Variants in RBFOX1 observed in about 807,000 individuals in gnomAD.
The protein encoded by RBFOX1 is RNA binding protein fox-1 homolog 1.
In RBFOX1, 8 loss-of-function variants were observed where a neutral mutation model predicts 57.7. That is an observed-to-expected ratio of 0.14 (90% CI 0.08 to 0.25). The LOEUF is 0.25. Ranked by LOEUF, RBFOX1 falls within the 10% of genes least tolerant of loss-of-function variation. The probability of loss-of-function intolerance (pLI) is 1.00; values close to 1 mark genes in which losing one functional copy is unlikely to be tolerated. For missense variants in RBFOX1, 611 were observed against 548.5 expected, an observed-to-expected ratio of 1.11 and a Z score of -1.14; for synonymous variants, 326 against 222.4, an observed-to-expected ratio of 1.47 and a Z score of -4.15.
chr16:7,105,122 C>G (rs566607128), intron 4 of RBFOX1, among the ~76,000 whole-genome samples: 1 of 152,206 alleles, frequency 6.6e-6, no homozygotes, highest in Non-Finnish European at 1.5e-5. Context: ...GATGTTTAAG[C>G]AAAAGTCTCA....
intron 3 of RBFOX1, among the ~76,000 whole-genome samples, chr16:6,866,018 A>T (rs2059851910): frequency 6.6e-6 from 1 of 152,214 alleles, no homozygotes; most frequent in South Asian, 2.1e-4. Flanking sequence ...AATATTGGCT[A>T]GCACATCTTT....
chr16:5,631,123 C>T (rs760980804), intron 3 of RBFOX1, among the ~76,000 whole-genome samples: 1 of 152,112 alleles, frequency 6.6e-6, no homozygotes, highest in East Asian at 1.9e-4. Context: ...CAATCTAAAG[C>T]AAAGCAAAGA....
At chr16:6,204,572 A>G (rs141634549) in intron 1 of RBFOX1, among the ~76,000 whole-genome samples, 1 of 152,334 alleles carries the variant, frequency 6.6e-6, no homozygotes, top group Non-Finnish European at 1.5e-5. Flanking sequence ...ACCCAGGCAT[A>G]GAAGTGGGAG....
chr16:5,939,831 T>C lies in RBFOX1; in HGVS notation c.351+72496T>C, dbSNP rs145248818. On this transcript the variant is annotated intron_variant, in intron 4 of 19. Coordinates refer to the RBFOX1 transcript ENST00000641259. ...AAGCCACAGCCATACCCTGACCATATGGACATGGGGATCTATTGAGGCACA... is the reference window on the plus strand; with the variant it reads ...AAGCCACAGCCATACCCTGACCATACGGACATGGGGATCTATTGAGGCACA... Among the ~76,000 whole-genome samples the C allele has an allele frequency of 2.9e-3, 438 of 152,298 alleles. 1 individual carries two copies. The highest frequency in any genetic ancestry group is 1.0e-2 in the African/African-American group (414 of 41,582).
intron 2 of RBFOX1, among the ~76,000 whole-genome samples, chr16:5,516,961 A>T (rs922484929): frequency 1.3e-5 from 2 of 151,384 alleles, no homozygotes; most frequent in Non-Finnish European, 2.9e-5. Flanking sequence ...GCAATGTGAG[A>T]ACGAGCTAAT....
intron 4 of RBFOX1, among the ~76,000 whole-genome samples, chr16:7,160,782 T>C (rs79287071): frequency 0.039 from 5,777 of 147,328 alleles, 195 homozygotes; most frequent in African/African-American, 0.083. Context: ...CTCCCCCTTT[T>C]TTCTCCCTCC....
At chr16:6,866,764 G>T (rs574984141) in intron 3 of RBFOX1, among the ~76,000 whole-genome samples, 8 of 151,660 alleles carry the variant, frequency 5.3e-5, no homozygotes, top group African/African-American at 1.9e-4. Context: ...GGATGGTCTC[G>T]ATCTCCTGAC....
chr16:6,176,468 A>C (rs1204336036), intron 1 of RBFOX1, among the ~76,000 whole-genome samples: 4 of 151,772 alleles, frequency 2.6e-5, no homozygotes, highest in African/African-American at 9.7e-5. Flanking sequence ...CTCAGGATTG[A>C]GGAATTTAGT....
intron 4 of RBFOX1, among the ~76,000 whole-genome samples, chr16:7,461,992 A>G (rs1299864107): frequency 6.6e-6 from 1 of 152,218 alleles, no homozygotes; most frequent in East Asian, 1.9e-4. Flanking sequence ...GGATTAAAGA[A>G]TGAAACATGC....
chr16:7,070,214 G>T (rs1337154951), intron 4 of RBFOX1, among the ~76,000 whole-genome samples: 1 of 152,206 alleles, frequency 6.6e-6, no homozygotes, highest in African/African-American at 2.4e-5. Context: ...TGATGGCACA[G>T]TGTCTTGCTC....
intron 3 of RBFOX1, among the ~76,000 whole-genome samples, chr16:7,042,962 A>G (rs1307497237): frequency 1.3e-5 from 2 of 152,216 alleles, no homozygotes; most frequent in African/African-American, 4.8e-5. Flanking sequence ...TAAAACAATT[A>G]CTTTCCTAGC....
chr16:6,750,058 G>A (rs1013208520), intron 3 of RBFOX1, among the ~76,000 whole-genome samples: 3 of 152,084 alleles, frequency 2.0e-5, no homozygotes, highest in African/African-American at 7.2e-5. Context: ...TATCAACTAG[G>A]GGCTAACATT....
chr16:5,356,684 T>C (rs2065398507), intron 1 of RBFOX1, among the ~76,000 whole-genome samples: 1 of 152,192 alleles, frequency 6.6e-6, no homozygotes, highest in Non-Finnish European at 1.5e-5. Flanking sequence ...AAAGTTATGA[T>C]GGGAAATGGC....
At chr16:6,209,139 T>C (rs974514119) in intron 1 of RBFOX1, among the ~76,000 whole-genome samples, 1 of 152,158 alleles carries the variant, frequency 6.6e-6, no homozygotes, top group Non-Finnish European at 1.5e-5. Context: ...AGTCTCAGCA[T>C]TTACTTTAAA....
Position 5,992,450 on chromosome 16 carries a change from C to G in RBFOX1, c.351+125115C>G, listed in dbSNP as rs1204395575. Among the ~76,000 whole-genome samples, 7 of 152,296 alleles carry G rather than the reference C, an allele frequency of 4.6e-5. No individual in the cohort carries two copies. In the East Asian group the frequency reaches 1.4e-3, roughly 29 times the overall value. The stretch of plus-strand genomic sequence containing the variant: ...CTGTGTAGAATGAAAATGCGTAAGA[C>G]TGAATTCCTTTTGACAGGATCCCCC... On this transcript the variant is annotated intron_variant, in intron 4 of 19. Coordinates refer to the RBFOX1 transcript ENST00000641259.
At chr16:5,776,932 A>G (rs2054167858) in intron 3 of RBFOX1, among the ~76,000 whole-genome samples, 1 of 152,160 alleles carries the variant, frequency 6.6e-6, no homozygotes, top group Non-Finnish European at 1.5e-5. Flanking sequence ...ATGGCTTAAG[A>G]TGACTCTGGA....
rs964183986 is a variant in RBFOX1, at chr16:7,116,826, G to C, written c.27+64728G>C. 2.6e-5 allele frequency among the ~76,000 whole-genome samples: 4 copies of C among 152,250 alleles called. No individual in the cohort carries two copies. In the East Asian group the frequency reaches 5.8e-4, roughly 22 times the overall value. On this transcript the variant is annotated intron_variant, in intron 4 of 15. Transcript: ENST00000550418. ...CAGAGGCATATAACAGCACACACAG[G>C]ACACAGACCATCCCCTCAAGGGTTT...
intron 3 of RBFOX1, among the ~76,000 whole-genome samples, chr16:5,808,620 G>A (rs2055312804): frequency 6.6e-6 from 1 of 152,150 alleles, no homozygotes; most frequent in Admixed American, 6.5e-5. Context: ...AGTTCTCCTT[G>A]AAGAGGTCCT....
At chr16:7,499,599 C>G (rs1249489334) in intron 4 of RBFOX1, among the ~76,000 whole-genome samples, 1 of 152,154 alleles carries the variant, frequency 6.6e-6, no homozygotes, top group African/African-American at 2.4e-5. Flanking sequence ...ATCTTCCATT[C>G]TGTCTAAAGA....
Sources: gnomAD v4.1 joint callset for allele counts (sites outside exome capture counted in the v4.1 genomes callset) on GRCh38, gnomAD v4.1.1 for gene constraint, MANE v1.5 for transcripts, NCBI Gene and HGNC (gene_info 2026-07-23, HGNC 2026-07-21) for gene names.